Variants in PDE7A observed in about 807,000 individuals in gnomAD.
PDE7A encodes the protein high affinity 3',5'-cyclic-AMP phosphodiesterase 7A.
In PDE7A, 39 loss-of-function variants were observed where a neutral mutation model predicts 64.3. The ratio of observed to expected loss-of-function variants is 0.61; its 90% CI spans 0.47 to 0.79. The LOEUF is 0.79. Among genes scored for constraint, PDE7A ranks in the 30% least tolerant of loss-of-function variants. The probability of loss-of-function intolerance (pLI) is 0.00; values close to 1 mark genes in which losing one functional copy is unlikely to be tolerated. For synonymous variants in PDE7A, 203 were observed against 206.8 expected, an observed-to-expected ratio of 0.98 and a Z score of 0.16; for missense variants, 470 against 582.8, an observed-to-expected ratio of 0.81 and a Z score of 1.99.
At chr8:65,831,626 A>G (rs1329504895) in intron 1 of PDE7A, among the ~76,000 whole-genome samples, 1 of 151,902 alleles carries the variant, frequency 6.6e-6, no homozygotes, top group Non-Finnish European at 1.5e-5. Flanking sequence ...ATGCAGGTGT[A>G]CCTGTCATGC....
At chr8:65,816,553 T>C (rs1810407899) in intron 1 of PDE7A, among the ~76,000 whole-genome samples, 1 of 152,244 alleles carries the variant, frequency 6.6e-6, no homozygotes, top group Non-Finnish European at 1.5e-5. Flanking sequence ...TAGCTACAAA[T>C]TCTGTCTTTC....
At chr8:65,769,896 C>CA (rs1033632958) in intron 3 of PDE7A, among the ~76,000 whole-genome samples, 1 of 151,548 alleles carries the variant, frequency 6.6e-6, no homozygotes, top group East Asian at 1.9e-4. Flanking sequence ...AACTCTGTCT[C>CA]AAAAAAACAA....
chr8:65,765,212 G>A (rs1324128245), intron 3 of PDE7A, among the ~76,000 whole-genome samples: 1 of 152,010 alleles, frequency 6.6e-6, no homozygotes, highest in South Asian at 2.1e-4. Flanking sequence ...TGGGCGAGCC[G>A]GGCGCGGTGG....
At chr8:65,739,480 T>A (rs1807305342) in intron 6 of PDE7A, 22 bp downstream of exon 6, 1 of 1,534,840 alleles carries the variant, frequency 6.5e-7, no homozygotes, top group Admixed American at 2.4e-5. Flanking sequence ...CTTGTTACTG[T>A]TAATGGGTTA....
At chr8:65,758,961 G>A (rs531060468) in intron 3 of PDE7A, among the ~76,000 whole-genome samples, 36 of 152,198 alleles carry the variant, frequency 2.4e-4, no homozygotes, top group African/African-American at 7.2e-4. Context: ...TCTCTCTTGC[G>A]GAGAAACAGG....
At chr8:65,739,426 A>G (rs941501950) in intron 6 of PDE7A, 76 bp downstream of exon 6, 71 of 1,433,482 alleles carry the variant, frequency 5.0e-5, no homozygotes, top group South Asian at 1.5e-4. Flanking sequence ...GCTAACCGAT[A>G]TAACTGAGAT....
In PDE7A at chr8:65,714,806, A is replaced by G. The variant is rs1347794492; in HGVS notation, c.*4484T>C. On this transcript the variant is annotated 3_prime_UTR_variant, in exon 13 of 13. Coordinates refer to ENST00000401827, the MANE Select transcript of PDE7A (RefSeq NM_001242318.3). ...AAACCAAGAAAGCATTTTGGAAAAA[A>G]AGATCATTTTCAGAATCTTCAAGGA... The G allele has an allele frequency of 6.6e-6, 1 of 152,232 alleles. No individual in the cohort carries two copies. The highest frequency in any genetic ancestry group is 1.5e-5 in the Non-Finnish European group (1 of 68,044). 9.4% of individuals were successfully genotyped at this position (152,232 alleles called of 1,614,324 possible).
In PDE7A at chr8:65,834,830, T is replaced by C. The variant is rs1204689615; in HGVS notation, c.138+6541A>G. Among the ~76,000 whole-genome samples, 37 of 152,156 alleles carry C rather than the reference T, an allele frequency of 2.4e-4. 1 individual carries two copies. Among genetic ancestry groups the C allele is most frequent in the Non-Finnish European group, 2.5e-4 (17 of 68,012 alleles). ...TGCTTCAGTGTCAACCATACAATCA[T>C]TGGCACAGTCCCTTCCCTTATAAAA... On this transcript the variant is annotated intron_variant, in intron 1 of 12. Coordinates refer to ENST00000401827, the MANE Select transcript of PDE7A (RefSeq NM_001242318.3).
chr8:65,780,739 G>A (rs1809390747), intron 2 of PDE7A: 1 of 152,204 alleles, frequency 6.6e-6, no homozygotes, highest in African/African-American at 2.4e-5. Context: ...AGACAGTACT[G>A]TTCTCACTAC....
chr8:65,747,907 T>C, intron 3 of PDE7A, 104 bp from the exon 4 acceptor site: 1 of 567,682 alleles, frequency 1.8e-6, no homozygotes, highest in Non-Finnish European at 2.9e-6. Flanking sequence ...TAAAAATTCA[T>C]TTAAATAATT....
intron 1 of PDE7A, among the ~76,000 whole-genome samples, chr8:65,831,669 C>G (rs1810824562): frequency 6.6e-6 from 1 of 151,694 alleles, no homozygotes; most frequent in Non-Finnish European, 1.5e-5. Context: ...AAAAAAATCA[C>G]AGAATCACGA....
intron 1 of PDE7A, among the ~76,000 whole-genome samples, chr8:65,811,961 C>A (rs1585937336): frequency 1.3e-5 from 2 of 152,152 alleles, no homozygotes; most frequent in Non-Finnish European, 1.5e-5. Flanking sequence ...AATCCCAGCA[C>A]TTTGGGAGGC....
At chr8:65,764,807 A>G (rs916603715) in intron 3 of PDE7A, among the ~76,000 whole-genome samples, 1 of 152,228 alleles carries the variant, frequency 6.6e-6, no homozygotes, top group African/African-American at 2.4e-5. Context: ...TCAAATACAC[A>G]TGAGGAACTA....
chr8:65,748,314 A>G (rs1286933797), intron 3 of PDE7A, among the ~76,000 whole-genome samples: 1 of 152,198 alleles, frequency 6.6e-6, no homozygotes, highest in Admixed American at 6.6e-5. Context: ...TTAAGAAGAA[A>G]AGGAGGTAGA....
At chr8:65,766,420 A>G (rs1199171175) in intron 3 of PDE7A, among the ~76,000 whole-genome samples, 1 of 152,240 alleles carries the variant, frequency 6.6e-6, no homozygotes, top group Non-Finnish European at 1.5e-5. Context: ...TACTCAAAAG[A>G]GTGAAACTAA....
chr8:65,812,562 A>G (rs1389608118), intron 1 of PDE7A, among the ~76,000 whole-genome samples: 3 of 152,066 alleles, frequency 2.0e-5, no homozygotes, highest in Non-Finnish European at 2.9e-5. Flanking sequence ...TTAAAAGTGG[A>G]AAAAAAATGA....
intron 12 of PDE7A, 46 bp from the exon 13 acceptor site, chr8:65,719,541 CTATCTT>C: frequency 8.0e-7 from 1 of 1,250,846 alleles, no homozygotes; most frequent in South Asian, 1.2e-5. Context: ...TGCTGAAACT[CTATCTT>C]TAAAACATCA....
Position 65,828,341 on chromosome 8 carries a change from T to C in PDE7A, c.138+13030A>G, listed in dbSNP as rs563173205. 5.3e-5 allele frequency among the ~76,000 whole-genome samples: 8 copies of C among 152,290 alleles called. No individual in the cohort carries two copies. In the East Asian group the frequency reaches 1.5e-3, roughly 29 times the overall value. On this transcript the variant is annotated intron_variant, in intron 1 of 12. Transcript: ENST00000401827. ...AAAGCAGCATTAAATGGCTGTTAAA[T>C]TGACAGGCATGCCATTTTGCAACTA...
chr8:65,797,398 T>C (rs570055871), intron 1 of PDE7A, among the ~76,000 whole-genome samples: 6 of 152,084 alleles, frequency 3.9e-5, no homozygotes, highest in Admixed American at 3.9e-4. Context: ...GAGGCAGAGA[T>C]TGTAGTGATT....
Sources: allele counts gnomAD v4.1 joint callset (sites outside exome capture counted in the v4.1 genomes callset), GRCh38; gene constraint gnomAD v4.1.1; transcripts MANE v1.5; gene names NCBI Gene and HGNC (gene_info 2026-07-23, HGNC 2026-07-21).